Variants in CMIP observed in about 807,000 individuals in gnomAD.
CMIP encodes the protein C-Maf-inducing protein.
A neutral mutation model predicts 97.3 loss-of-function variants in CMIP; 13 were observed. The ratio of observed to expected loss-of-function variants is 0.13; its 90% CI spans 0.09 to 0.21. The LOEUF (loss-of-function observed/expected upper bound fraction) is 0.21, where lower values mean the gene tolerates loss of function less well. Among genes scored for constraint, CMIP ranks in the 10% least tolerant of loss-of-function variants. The pLI, the probability that CMIP is intolerant of heterozygous loss-of-function variation, is 1.00. For synonymous variants in CMIP, 538 were observed against 436.3 expected (o/e 1.23, Z -2.91); for missense variants, 847 against 1,024.9 (o/e 0.83, Z 2.37).
intron 1 of CMIP, among the ~76,000 whole-genome samples, chr16:81,566,332 TC>T (rs1194682074): frequency 1.3e-5 from 2 of 152,238 alleles, no homozygotes; most frequent in East Asian, 3.8e-4. Context: ...CACATCGGGT[TC>T]CTTGCTGTTC....
chr16:81,505,156 G>A (rs1466108602), intron 1 of CMIP, among the ~76,000 whole-genome samples: 1 of 152,242 alleles, frequency 6.6e-6, no homozygotes, highest in Non-Finnish European at 1.5e-5. Context: ...TGCTTCTGCT[G>A]TCCTGGAGGC....
rs1300287692 is a variant in CMIP, at chr16:81,678,409, C to T, written c.1169C>T (p.Ala390Val). The T allele has an allele frequency of 1.2e-6, 2 of 1,602,812 alleles. No homozygotes were observed. The highest frequency in any genetic ancestry group is 1.7e-6 in the Non-Finnish European group (2 of 1,175,306). Reference sequence around the variant, plus strand: ...TCTCAGGAAGCCACGCTGTCTGAGGCCCGGCTCAAGTCGGTGGTCGTGGCC... The same window carrying T: ...TCTCAGGAAGCCACGCTGTCTGAGGTCCGGCTCAAGTCGGTGGTCGTGGCC... The part of the protein sequence containing the change: ...LVSQEATLSE[A>V]RLKSVVVASS... The change falls in exon 10 of 21, where the codon GCC (alanine) becomes GTC (valine). Residue 390 changes from alanine (A) to valine (V), a missense_variant. Coordinates refer to ENST00000537098, the MANE Select transcript of CMIP (RefSeq NM_198390.3).
intron 10 of CMIP, among the ~76,000 whole-genome samples, chr16:81,682,758 T>A (rs1042896952): frequency 4.3e-4 from 65 of 152,198 alleles, no homozygotes; most frequent in African/African-American, 1.6e-3. Context: ...CAGGCCCTGA[T>A]CAGTTGCTGC....
At chr16:81,559,027 C>T (rs78460307) in intron 1 of CMIP, among the ~76,000 whole-genome samples, 309 of 152,344 alleles carry the variant, frequency 2.0e-3, no homozygotes, top group African/African-American at 6.9e-3. Context: ...TGTGAATGAT[C>T]GGGGTTACCT....
chr16:81,669,651 A>ACTCACCT (rs201932044), intron 7 of CMIP, among the ~76,000 whole-genome samples: 1 of 76,160 alleles, frequency 1.3e-5, no homozygotes, highest in Non-Finnish European at 2.6e-5. Flanking sequence ...CCCACCTCAC[A>ACTCACCT]CCTTCCACAC....
rs1004966236 is a variant in CMIP, at chr16:81,614,749, A to G, written c.427-6127A>G. Among the ~76,000 whole-genome samples the G allele has an allele frequency of 6.7e-6, 1 of 148,708 alleles. No homozygotes were observed. The highest frequency in any genetic ancestry group is 6.7e-5 in the Admixed American group (1 of 15,010). On this transcript the variant is annotated intron_variant, in intron 2 of 20. Coordinates refer to ENST00000537098, the MANE Select transcript of CMIP (RefSeq NM_198390.3). The surrounding 1 kb of genome is among the most constrained non-coding windows in gnomAD (Gnocchi z 5.3). ...CACATGTGTGTCTCTGTGAGTGTGT[A>G]TGTGTCTATGTCTGTGGTGTGTGTG...
chr16:81,669,323 CA>C (rs1397474266), intron 7 of CMIP, among the ~76,000 whole-genome samples: 5 of 58,144 alleles, frequency 8.6e-5, no homozygotes, highest in Non-Finnish European at 1.5e-4. Flanking sequence ...CTTCCACACC[CA>C]CTTCATACCT....
At chr16:81,572,621 C>A (rs2091112804) in intron 1 of CMIP, among the ~76,000 whole-genome samples, 1 of 152,188 alleles carries the variant, frequency 6.6e-6, no homozygotes, top group African/African-American at 2.4e-5. Context: ...AAGCGACTTC[C>A]CCAGGGTGCC....
intron 1 of CMIP, among the ~76,000 whole-genome samples, chr16:81,504,316 A>T (rs2089665350): frequency 6.6e-6 from 1 of 151,548 alleles, no homozygotes; most frequent in African/African-American, 2.4e-5. Context: ...ATAGAGTGAG[A>T]CTGTCTCAAA....
intron 1 of CMIP, among the ~76,000 whole-genome samples, chr16:81,573,590 T>C (rs1597104097): frequency 6.6e-6 from 1 of 152,072 alleles, no homozygotes; most frequent in African/African-American, 2.4e-5. Context: ...AAGTACAATA[T>C]ATCTGTTACT....
At chr16:81,703,865 A>T in intron 17 of CMIP, 74 bp from the exon 18 acceptor site, 1 of 1,506,682 alleles carries the variant, frequency 6.6e-7, no homozygotes, top group South Asian at 1.3e-5. Flanking sequence ...GAGGAGGAGG[A>T]TAGGGGATAG....
chr16:81,610,371 C>G (rs1410681371), intron 2 of CMIP: 2 of 985,530 alleles, frequency 2.0e-6, no homozygotes, highest in African/African-American at 3.5e-5. Context: ...TTGCTCACTG[C>G]CCCCTGATCC....
chr16:81,475,332 C>T (rs922294675), intron 1 of CMIP, among the ~76,000 whole-genome samples: 3 of 152,220 alleles, frequency 2.0e-5, no homozygotes, highest in African/African-American at 7.2e-5. Context: ...AACCACTCAG[C>T]GGAAGAAATA....
At chr16:81,659,682 C>A (rs985171074) in intron 5 of CMIP, among the ~76,000 whole-genome samples, 1 of 152,208 alleles carries the variant, frequency 6.6e-6, no homozygotes, top group Non-Finnish European at 1.5e-5. Flanking sequence ...CAAGGGCTTG[C>A]ATTCAGGACA....
chr16:81,573,068 G>A (rs1310444424), intron 1 of CMIP, among the ~76,000 whole-genome samples: 1 of 152,214 alleles, frequency 6.6e-6, no homozygotes, highest in Non-Finnish European at 1.5e-5. Flanking sequence ...TTTAGACCAG[G>A]TGCAGTAGCT....
chr16:81,636,506 AG>A, intron 3 of CMIP, among the ~76,000 whole-genome samples: 1 of 149,772 alleles, frequency 6.7e-6, no homozygotes, highest in East Asian at 2.0e-4. Flanking sequence ...GCTTGAACCC[AG>A]GGGGCAGAGG....
At position 81,682,863 on chromosome 16, in the gene CMIP, A is replaced by G. The variant is rs938400141; in HGVS notation, c.1388+4235A>G. 7.9e-5 allele frequency among the ~76,000 whole-genome samples: 12 copies of G among 152,344 alleles called. 1 individual carries two copies. The East Asian group carries it at 1.5e-3, about 20-fold the overall frequency. ...ATTTCCTGGAGGTCCTTGAAAAGGA[A>G]AACTATTCCAAATGCGGGTCGAGGT... On this transcript the variant is annotated intron_variant, in intron 10 of 20. Coordinates refer to ENST00000537098, the MANE Select transcript of CMIP (RefSeq NM_198390.3).
intron 3 of CMIP, among the ~76,000 whole-genome samples, chr16:81,636,325 G>A (rs969748748): frequency 5.9e-5 from 9 of 152,268 alleles, no homozygotes; most frequent in Middle Eastern, 3.4e-3. Flanking sequence ...GCTCGTGCCT[G>A]TAATCCCAGC....
rs1001599954 is a variant in CMIP, at chr16:81,453,033, A to G, written c.300+7492A>G. Among the ~76,000 whole-genome samples, 4 of 151,990 alleles carry G rather than the reference A, an allele frequency of 2.6e-5. No individual in the cohort carries two copies. Among genetic ancestry groups the G allele is most frequent in the Admixed American group, 1.3e-4 (2 of 15,270 alleles). ...TCCCTTTGTCCATAACTACACTCTA[A>G]GGATCCTAGGATCTAGAACACACTA... is the stretch of plus-strand genomic sequence containing the variant. On this transcript the variant is annotated intron_variant, in intron 1 of 20. Coordinates refer to ENST00000537098, the MANE Select transcript of CMIP (RefSeq NM_198390.3). This position sits in a 1 kb window ranked among gnomAD's most constrained non-coding sequence, Gnocchi z 4.0.
Sources: gnomAD v4.1 joint callset for allele counts (sites outside exome capture counted in the v4.1 genomes callset) on GRCh38, gnomAD v4.1.1 for gene constraint, Gnocchi (gnomAD v3.1) non-coding constraint, MANE v1.5 for transcripts, NCBI Gene and HGNC (gene_info 2026-07-23, HGNC 2026-07-21) for gene names.